The following HDAC9 variants were observed in gnomAD, a reference collection of about 807,000 sequenced individuals.
The protein encoded by HDAC9 is MEF-2 interacting transcription repressor (MITR) protein.
In HDAC9, 41 loss-of-function variants were observed where a neutral mutation model predicts 139.4. The observed-to-expected ratio is 0.29, with a 90% CI of 0.23 to 0.38. The LOEUF is 0.38. HDAC9 is among the 10% of genes least tolerant of loss of function. The pLI, the probability that HDAC9 is intolerant of heterozygous loss-of-function variation, is 1.00. For synonymous variants in HDAC9, 517 were observed against 476.2 expected, an observed-to-expected ratio of 1.09 and a Z score of -1.12; for missense variants, 1,147 against 1,297.0, an observed-to-expected ratio of 0.88 and a Z score of 1.78.
intron 2 of HDAC9, among the ~76,000 whole-genome samples, chr7:18,219,382 G>A (rs891738827): frequency 1.3e-5 from 2 of 152,074 alleles, no homozygotes; most frequent in African/African-American, 4.8e-5. Flanking sequence ...AATAACTTAA[G>A]CACTTTCAAA....
At chr7:18,902,881 C>G (rs752210297) in intron 22 of HDAC9, among the ~76,000 whole-genome samples, 27 of 152,166 alleles carry the variant, frequency 1.8e-4, no homozygotes, top group African/African-American at 6.0e-4. Flanking sequence ...TCTCTGCAGT[C>G]TCGTTCCTTT....
chr7:18,794,916 G>T (rs1482816415), intron 17 of HDAC9, among the ~76,000 whole-genome samples: 4 of 152,132 alleles, frequency 2.6e-5, no homozygotes, highest in African/African-American at 9.7e-5. Flanking sequence ...ATTTCTAATT[G>T]TTTTAAGTTT....
intron 1 of HDAC9, among the ~76,000 whole-genome samples, chr7:18,136,549 A>C (rs968422626): frequency 6.6e-6 from 1 of 152,202 alleles, no homozygotes; most frequent in African/African-American, 2.4e-5. Context: ...AACACCATTT[A>C]TTAAATAGGG....
At chr7:18,340,863 C>A (rs1781952408) in intron 1 of HDAC9, among the ~76,000 whole-genome samples, 2 of 151,474 alleles carry the variant, frequency 1.3e-5, no homozygotes, top group South Asian at 4.1e-4. Context: ...CAGTTTCCTT[C>A]TGCTTGAAGG....
chr7:18,718,496 G>T (rs1784882808), intron 12 of HDAC9, among the ~76,000 whole-genome samples: 2 of 152,172 alleles, frequency 1.3e-5, no homozygotes, highest in South Asian at 2.1e-4. Context: ...GCCTCCCAAA[G>T]TGTTAGGATT....
rs140752102 is a variant in HDAC9, at chr7:18,885,036, A to G, written c.2803+10440A>G. ...AAAAGTCATGCAGTAGATATGTAAA[A>G]TACCATTTTGAGGTGTTTTCAAGCA... On this transcript the variant is annotated intron_variant, in intron 22 of 25. Coordinates refer to ENST00000686413, the MANE Select transcript of HDAC9 (RefSeq NM_178425.4). Among the ~76,000 whole-genome samples the G allele has an allele frequency of 2.6e-3, 397 of 152,372 alleles. 3 individuals are homozygous for G. Among genetic ancestry groups the G allele is most frequent in the African/African-American group, 9.2e-3 (381 of 41,588 alleles).
chr7:18,431,880 T>C (rs888070446), intron 1 of HDAC9, among the ~76,000 whole-genome samples: 3 of 152,204 alleles, frequency 2.0e-5, no homozygotes, highest in African/African-American at 7.2e-5. Context: ...TTGGTATCTG[T>C]AGAAAGAACA....
At chr7:18,257,401 CCACA>C (rs773964606) in intron 2 of HDAC9, among the ~76,000 whole-genome samples, 2,242 of 130,894 alleles carry the variant, frequency 0.017, 64 homozygotes, top group African/African-American at 0.059. Flanking sequence ...TCTGTCTCTC[CCACA>C]CACACACACA....
At chr7:18,962,771 C>G (rs560454330) in intron 24 of HDAC9, among the ~76,000 whole-genome samples, 13 of 152,236 alleles carry the variant, frequency 8.5e-5, no homozygotes, top group East Asian at 1.9e-4. Context: ...GAGGGAAGAT[C>G]GTTTCCTAAG....
intron 1 of HDAC9, among the ~76,000 whole-genome samples, chr7:18,145,486 G>A (rs17345660): frequency 0.043 from 6,507 of 152,168 alleles, 181 homozygotes; most frequent in Non-Finnish European, 0.06. Flanking sequence ...TGGAAGCTGT[G>A]CATATTTGTT....
chr7:18,496,521 C>A, intron 2 of HDAC9, 197 bp downstream of exon 2: 1 of 548,644 alleles, frequency 1.8e-6, no homozygotes, highest in Non-Finnish European at 3.3e-6. Flanking sequence ...TGCTTAGGGA[C>A]AGCAGCTTCT....
chr7:18,517,323 C>G (rs553549898), intron 2 of HDAC9, among the ~76,000 whole-genome samples: 1 of 152,100 alleles, frequency 6.6e-6, no homozygotes, highest in Non-Finnish European at 1.5e-5. Context: ...TATGAAAATG[C>G]GTTCTGAGGA....
At chr7:18,098,369 C>T (rs1562616765) in intron 1 of HDAC9, among the ~76,000 whole-genome samples, 1 of 152,158 alleles carries the variant, frequency 6.6e-6, no homozygotes, top group Non-Finnish European at 1.5e-5. Flanking sequence ...GTTATAGAGG[C>T]TATCTATGCA....
intron 21 of HDAC9, among the ~76,000 whole-genome samples, chr7:18,844,293 C>T (rs1263134035): frequency 6.6e-6 from 1 of 152,040 alleles, no homozygotes; most frequent in Non-Finnish European, 1.5e-5. Context: ...AGCTTATGAA[C>T]GACAAAGCTT....
chr7:18,865,296 A>G (rs1475307388), intron 21 of HDAC9, among the ~76,000 whole-genome samples: 1 of 152,180 alleles, frequency 6.6e-6, no homozygotes, highest in Non-Finnish European at 1.5e-5. Context: ...TGAAAGTTTG[A>G]CAATAGGATT....
At chr7:18,672,880 A>G (rs573401289) in intron 12 of HDAC9, among the ~76,000 whole-genome samples, 4 of 151,966 alleles carry the variant, frequency 2.6e-5, no homozygotes, top group Admixed American at 6.6e-5. Flanking sequence ...TGCAATTACT[A>G]GTTGCAATTA....
chr7:18,630,549 C>G (rs1584360236), intron 7 of HDAC9, among the ~76,000 whole-genome samples: 1 of 152,130 alleles, frequency 6.6e-6, no homozygotes, highest in African/African-American at 2.4e-5. Flanking sequence ...ATTTAGTCTC[C>G]TATTCAATCT....
intron 17 of HDAC9, among the ~76,000 whole-genome samples, chr7:18,797,413 T>C (rs6946247): frequency 6.6e-6 from 1 of 152,122 alleles, no homozygotes; most frequent in Non-Finnish European, 1.5e-5. Flanking sequence ...AATAATAAAA[T>C]AAATACCCAC....
chr7:18,661,803 T>A (rs1452600848), intron 11 of HDAC9, among the ~76,000 whole-genome samples: 2 of 152,120 alleles, frequency 1.3e-5, no homozygotes, highest in Non-Finnish European at 2.9e-5. Flanking sequence ...CTTTGATAGA[T>A]CAGAAGTGTA....
Sources: gnomAD v4.1 joint callset for allele counts (sites outside exome capture counted in the v4.1 genomes callset) on GRCh38, gnomAD v4.1.1 for gene constraint, MANE v1.5 for transcripts, NCBI Gene and HGNC (gene_info 2026-07-23, HGNC 2026-07-21) for gene names.